Variants in SMIM27 observed in about 807,000 individuals in gnomAD.
SMIM27 encodes transition zone microprotein 1.
In SMIM27, 3 loss-of-function variants were observed where a neutral mutation model predicts 1.8. That is an observed-to-expected ratio of 1.65 (90% CI 0.75 to 4.28). The LOEUF is 4.28. Among genes scored for constraint, SMIM27 ranks in the 30% most tolerant of loss-of-function variants. The probability of loss-of-function intolerance (pLI) is 0.02; values close to 1 mark genes in which losing one functional copy is unlikely to be tolerated. For missense variants in SMIM27, 63 were observed against 37.0 expected (o/e 1.70, Z -1.83); for synonymous variants, 19 against 13.9 (o/e 1.37, Z -0.82).
At chr9:32,553,677 A>T (rs1821369905), downstream of SMIM27, 1 of 522,714 alleles carries the variant, frequency 1.9e-6, no homozygotes, top group Non-Finnish European at 3.4e-6. Context: ...AAAAGTAGGT[A>T]GTCTCTCATA....
intron 1 of SMIM27, chr9:32,558,889 A>G (rs764356815): frequency 6.8e-7 from 1 of 1,480,208 alleles, no homozygotes; most frequent in Non-Finnish European, 9.3e-7. Flanking sequence ...CAAAAGAAAA[A>G]TCAGAAGTGT....
At chr9:32,558,139 T>C (rs1821523087) in intron 1 of SMIM27, among the ~76,000 whole-genome samples, 2 of 129,938 alleles carry the variant, frequency 1.5e-5, no homozygotes, top group Admixed American at 7.7e-5. Context: ...TGAGACGGAG[T>C]CTCGCTCTGT....
At chr9:32,565,942 A>T (rs1041246374) in intron 1 of SMIM27, among the ~76,000 whole-genome samples, 6 of 152,164 alleles carry the variant, frequency 3.9e-5, no homozygotes, top group African/African-American at 1.4e-4. Flanking sequence ...ACTACACTCC[A>T]GCCTGGGCAA....
intron 1 of SMIM27, chr9:32,566,245 T>C (rs942666134): frequency 2.0e-6 from 2 of 999,974 alleles, no homozygotes; most frequent in South Asian, 1.3e-5. Flanking sequence ...GGTTTTCTTA[T>C]GGCAGACAAC....
upstream of SMIM27, chr9:32,551,393 A>C: frequency 3.0e-6 from 1 of 334,414 alleles, no homozygotes. Context: ...CGGAAGCAAC[A>C]CCAGGAGTCC....
downstream of SMIM27, among the ~76,000 whole-genome samples, chr9:32,555,879 T>C (rs1821441739): frequency 6.6e-6 from 1 of 152,222 alleles, no homozygotes; most frequent in Admixed American, 6.5e-5. Flanking sequence ...TTCAAGTAAT[T>C]TCTCACACAC....
chr9:32,551,526 C>T (rs1312785335), upstream of SMIM27: 15 of 256,328 alleles, frequency 5.9e-5, no homozygotes, highest in East Asian at 1.1e-3. Context: ...CCTAAACAGA[C>T]CACGTTTTTC....
chr9:32,556,601 G>A (rs1399350338), downstream of SMIM27, among the ~76,000 whole-genome samples: 1 of 152,082 alleles, frequency 6.6e-6, no homozygotes, highest in Non-Finnish European at 1.5e-5. Flanking sequence ...GAACCACAGT[G>A]GCAAAAAATA....
intron 1 of SMIM27, chr9:32,566,323 C>G: frequency 1.7e-6 from 2 of 1,180,704 alleles, no homozygotes; most frequent in Non-Finnish European, 2.5e-6. Context: ...TCTCTTCCAT[C>G]TTGTTCTTTA....
downstream of SMIM27, chr9:32,553,988 C>A: frequency 7.9e-7 from 1 of 1,259,056 alleles, no homozygotes; most frequent in Non-Finnish European, 1.2e-6. Context: ...CTTAAGTCTA[C>A]AGAGGTGATA....
chr9:32,552,444 G>GT lies in SMIM27; in HGVS notation c.11dup (p.Ser5LysfsTer49). On this transcript the variant is annotated frameshift_variant, in exon 1 of 2. Coordinates refer to ENST00000692500, the MANE Select transcript of SMIM27 (RefSeq NM_001387564.1). LOFTEE classifies it high-confidence loss of function. The stretch of plus-strand genomic sequence containing the variant: ...CTGCCGCCTCCTTACCATGAAGCCA[G>GT]TAAGTCGTCGCACGCTGGACTGGAT... The GT allele has an allele frequency of 6.2e-7, 1 of 1,607,036 alleles. No homozygotes were observed. The highest frequency in any genetic ancestry group is 8.5e-7 in the Non-Finnish European group (1 of 1,177,150).
intron 1 of SMIM27, 154 bp downstream of exon 1, chr9:32,552,633 C>A: frequency 1.4e-6 from 1 of 700,664 alleles, no homozygotes. Flanking sequence ...CTGGAGGATA[C>A]GATCTTCCGC....
At chr9:32,551,166 G>A, upstream of SMIM27, 2 of 666,444 alleles carry the variant, frequency 3.0e-6, no homozygotes, top group Non-Finnish European at 5.3e-6. Context: ...GACCCCGGAG[G>A]AGGGCAGCGC....
downstream of SMIM27, among the ~76,000 whole-genome samples, chr9:32,556,060 T>C (rs760807553): frequency 6.7e-6 from 1 of 149,434 alleles, no homozygotes; most frequent in Non-Finnish European, 1.5e-5. Flanking sequence ...CATACTATTT[T>C]ACATCATCTG....
At chr9:32,559,226 A>G (rs1821560349) in intron 1 of SMIM27, among the ~76,000 whole-genome samples, 2 of 152,164 alleles carry the variant, frequency 1.3e-5, no homozygotes, top group African/African-American at 4.8e-5. Context: ...CCAGTTATGA[A>G]AGACAGAAAC....
downstream of SMIM27, among the ~76,000 whole-genome samples, chr9:32,556,333 A>C (rs1821452881): frequency 6.6e-6 from 1 of 152,240 alleles, no homozygotes; most frequent in African/African-American, 2.4e-5. Flanking sequence ...TTCTAAGCTT[A>C]GATCCTAAAA....
chr9:32,563,491 C>CGTTTTTTTTTTTT (rs1821688276), intron 1 of SMIM27, among the ~76,000 whole-genome samples: 1 of 92,004 alleles, frequency 1.1e-5, no homozygotes, highest in Non-Finnish European at 2.2e-5. Flanking sequence ...GACTATTGGG[C>CGTTTTTTTTTTTT]TTTTTTTTTT....
rs748283065 is a variant in SMIM27, at chr9:32,552,385, A to G, written c.-50A>G. Reference sequence around the variant, plus strand: ...CAGCCACCGCCTGGGAGGTTACTGTAAGGCCCGCAGCTCCCGCCAGCTCCC... The same window carrying G: ...CAGCCACCGCCTGGGAGGTTACTGTGAGGCCCGCAGCTCCCGCCAGCTCCC... On this transcript the variant is annotated 5_prime_UTR_variant, in exon 1 of 2. An upstream open reading frame in the 5' UTR loses its in-frame stop. Transcript: ENST00000692500. 1.1e-5 allele frequency: 17 copies of G among 1,605,406 alleles called. No homozygotes were observed. The highest frequency in any genetic ancestry group is 1.4e-5 in the Non-Finnish European group (17 of 1,176,548).
downstream of SMIM27, among the ~76,000 whole-genome samples, chr9:32,557,064 G>T (rs1243765367): frequency 6.6e-6 from 1 of 150,380 alleles, no homozygotes; most frequent in East Asian, 2.0e-4. Context: ...CACCATGTTG[G>T]CCAGGCTGGT....
Sources: allele counts gnomAD v4.1 joint callset (sites outside exome capture counted in the v4.1 genomes callset), GRCh38; gene constraint gnomAD v4.1.1; transcripts MANE v1.5; gene names NCBI Gene and HGNC (gene_info 2026-07-23, HGNC 2026-07-21).